LRRC63: variants seen among roughly 807,000 people sequenced by gnomAD.
LRRC63 encodes leucine-rich repeat-containing protein 63.
In LRRC63, 40 loss-of-function variants were observed where a neutral mutation model predicts 49.5. The ratio of observed to expected loss-of-function variants is 0.81; its 90% CI spans 0.63 to 1.05. The LOEUF (loss-of-function observed/expected upper bound fraction) is 1.05, where lower values mean the gene tolerates loss of function less well. Ranked by LOEUF, LRRC63 falls within the 50% of genes least tolerant of loss-of-function variation. LRRC63 has a pLI of 0.00. For missense variants in LRRC63, 636 were observed against 663.1 expected (o/e 0.96, Z 0.45); for synonymous variants, 191 against 221.1 (o/e 0.86, Z 1.21).
chr13:46,228,220 A>G (rs1301276970), intron 3 of LRRC63, 31 bp downstream of exon 3: 2 of 1,446,984 alleles, frequency 1.4e-6, no homozygotes, highest in East Asian at 2.5e-5. Flanking sequence ...GTATAATTAT[A>G]GAGTCAAGTA....
chr13:46,275,441 TGTGTAAGA>T (rs1160929136), intron 9 of LRRC63, among the ~76,000 whole-genome samples: 2 of 152,168 alleles, frequency 1.3e-5, no homozygotes, highest in African/African-American at 4.8e-5. Context: ...CCACTGAAAC[TGTGTAAGA>T]GTTGCTTCTT....
intron 3 of LRRC63, 101 bp from the exon 4 acceptor site, chr13:46,228,564 G>T: frequency 2.8e-6 from 2 of 708,268 alleles, no homozygotes; most frequent in Non-Finnish European, 2.4e-6. Context: ...ATGGATAATT[G>T]GAATCCATTA....
chr13:46,270,550 A>C lies in LRRC63; in HGVS notation c.1550+3578A>C, dbSNP rs780018628. On this transcript the variant is annotated intron_variant, in intron 9 of 9. Coordinates refer to ENST00000595396, the Ensembl canonical transcript of LRRC63. ...TTGAAGAAAGTAAAAACATAACAGAAGGGTTACTGACACAAAAACGGTATG... is the reference window on the plus strand; with the variant it reads ...TTGAAGAAAGTAAAAACATAACAGACGGGTTACTGACACAAAAACGGTATG... 4 of 831,792 alleles carry C rather than the reference A, an allele frequency of 4.8e-6. No individual in the cohort carries two copies. The Admixed American group carries it at 6.9e-5, about 14-fold the overall frequency. The allele number at this position is 831,792 out of a possible 1,614,324, so 51.5% of individuals were successfully genotyped here.
intron 5 of LRRC63, among the ~76,000 whole-genome samples, chr13:46,246,163 G>A (rs1157156673): frequency 2.0e-5 from 3 of 152,082 alleles, no homozygotes; most frequent in African/African-American, 4.8e-5. Flanking sequence ...TGCTATGATC[G>A]TAAGTTTCCT....
intron 2 of LRRC63, among the ~76,000 whole-genome samples, chr13:46,217,862 T>C (rs990199041): frequency 6.6e-6 from 1 of 152,216 alleles, no homozygotes; most frequent in Non-Finnish European, 1.5e-5. Context: ...ATTTCGTTAT[T>C]TACCCAGTAG....
At chr13:46,224,980 C>A (rs1488704013) in intron 2 of LRRC63, among the ~76,000 whole-genome samples, 1 of 152,224 alleles carries the variant, frequency 6.6e-6, no homozygotes, top group Non-Finnish European at 1.5e-5. Context: ...GTGGTGTATG[C>A]TGGCACCTGT....
chr13:46,224,253 G>T (rs1475165104), intron 2 of LRRC63, among the ~76,000 whole-genome samples: 1 of 152,052 alleles, frequency 6.6e-6, no homozygotes, highest in African/African-American at 2.4e-5. Flanking sequence ...ATTCTTTTAG[G>T]TTCTTTTTCT....
chr13:46,276,501 C>A, intron 9 of LRRC63, 89 bp from the exon 10 acceptor site: 1 of 559,222 alleles, frequency 1.8e-6, no homozygotes. Flanking sequence ...AAGGTAAGGG[C>A]AGTATTTTAT....
exon 10 of LRRC63, chr13:46,276,849 T>TAG (rs2047847889): frequency 6.9e-6 from 1 of 145,948 alleles, no homozygotes; most frequent in Non-Finnish European, 1.3e-5. Flanking sequence ...TATATATATA[T>TAG]ATTTATATAT....
intron 5 of LRRC63, among the ~76,000 whole-genome samples, chr13:46,235,209 T>C (rs1043981535): frequency 4.6e-5 from 7 of 152,248 alleles, no homozygotes; most frequent in African/African-American, 1.7e-4. Flanking sequence ...ACAGAGTCGA[T>C]CTGAAAAGAT....
chr13:46,215,467 T>C lies in LRRC63; in HGVS notation c.85+2348T>C, dbSNP rs1190567561. ...CCACTTTTTGATGGGGTGGTTTGTT[T>C]TTTTTTATTGTAAATATGTTTAAGT... On this transcript the variant is annotated intron_variant, in intron 2 of 9. Transcript: ENST00000595396. Among the ~76,000 whole-genome samples, 3 of 152,260 alleles carry C rather than the reference T, an allele frequency of 2.0e-5. No homozygotes were observed. The East Asian group carries it at 5.8e-4, about 29-fold the overall frequency.
intron 9 of LRRC63, among the ~76,000 whole-genome samples, chr13:46,269,411 G>A (rs773538481): frequency 1.3e-5 from 2 of 152,092 alleles, no homozygotes; most frequent in Admixed American, 1.3e-4. Flanking sequence ...CTGTGGATCA[G>A]TAGTGAAAGA....
chr13:46,230,614 T>C (rs2046722970), intron 4 of LRRC63, among the ~76,000 whole-genome samples: 1 of 152,146 alleles, frequency 6.6e-6, no homozygotes, highest in African/African-American at 2.4e-5. Flanking sequence ...GCCACAATGG[T>C]CTCTGAAATG....
chr13:46,255,643 C>CAAAAAAA lies in LRRC63; in HGVS notation c.1226+5155_1226+5156insAAAAAAA, dbSNP rs1445296831. On this transcript the variant is annotated intron_variant, in intron 7 of 9. Transcript: ENST00000595396. ...TGGGCAACAGAGTAAGACCCTGCCT[C>CAAAAAAA]AAATATATATATATATATATATAGT... Among the ~76,000 whole-genome samples the CAAAAAAA allele has an allele frequency of 5.5e-4, 53 of 95,670 alleles. 1 individual carries two copies. The highest frequency in any genetic ancestry group is 2.3e-3 in the African/African-American group (37 of 16,164). The allele number at this position is 95,670 out of a possible 152,430, so 62.8% of individuals were successfully genotyped here.
chr13:46,276,624 T>C, exon 10 of LRRC63: 1 of 1,230,972 alleles, frequency 8.1e-7, no homozygotes, highest in Non-Finnish European at 1.0e-6. Context: ...TGGTCCCAAG[T>C]TTGGTGAAGG....
intron 9 of LRRC63, among the ~76,000 whole-genome samples, chr13:46,274,024 G>A (rs968448045): frequency 6.6e-6 from 1 of 151,946 alleles, no homozygotes; most frequent in East Asian, 1.9e-4. Context: ...TTCAGGCCTT[G>A]AGAGTCACTG....
exon 1 of LRRC63, chr13:46,211,965 G>C (rs1042161171): frequency 6.6e-6 from 1 of 152,638 alleles, no homozygotes; most frequent in African/African-American, 2.4e-5. Context: ...GGTTGCTAGG[G>C]TGTGTCTCCT....
At chr13:46,217,372 T>C (rs371679243) in intron 2 of LRRC63, among the ~76,000 whole-genome samples, 3 of 152,228 alleles carry the variant, frequency 2.0e-5, no homozygotes, top group African/African-American at 7.2e-5. Flanking sequence ...TATCCATTTC[T>C]TCTAGATTTT....
chr13:46,256,617 C>T (rs940030178), intron 7 of LRRC63, among the ~76,000 whole-genome samples: 4 of 152,214 alleles, frequency 2.6e-5, no homozygotes, highest in Non-Finnish European at 5.9e-5. Flanking sequence ...ATGCCTGTCT[C>T]ACCATTGTAT....
Sources: gnomAD v4.1 joint callset for allele counts (sites outside exome capture counted in the v4.1 genomes callset) on GRCh38, gnomAD v4.1.1 for gene constraint, MANE v1.5 for transcripts, NCBI Gene and HGNC (gene_info 2026-07-23, HGNC 2026-07-21) for gene names.